Variants in CACNA1I observed in about 807,000 individuals in gnomAD.
CACNA1I encodes the protein voltage-dependent T-type calcium channel subunit alpha-1I.
In CACNA1I, 74 loss-of-function variants were observed where a neutral mutation model predicts 201.6. The observed-to-expected ratio is 0.37, with a 90% CI of 0.30 to 0.45. The LOEUF is 0.45. Ranked by LOEUF, CACNA1I falls within the 20% of genes least tolerant of loss-of-function variation. The pLI is 1.00. For synonymous variants in CACNA1I, 1,431 were observed against 1,345.2 expected (o/e 1.06, Z -1.40); for missense variants, 2,346 against 3,138.1 (o/e 0.75, Z 6.03).
Position 39,686,025 on chromosome 22 carries a change from A to G in CACNA1I, c.6292A>G (p.Thr2098Ala), listed in dbSNP as rs1935857702. The G allele has an allele frequency of 2.4e-6, 3 of 1,237,850 alleles. No individual in the cohort carries two copies. The highest frequency in any genetic ancestry group is 3.0e-6 in the Non-Finnish European group (3 of 995,020). 76.7% of individuals were successfully genotyped at this position (1,237,850 alleles called of 1,614,324 possible). A position where few individuals can be genotyped will look rare whatever the true frequency, so the allele number is the denominator to read the frequency against. Residue 2098 changes from threonine to alanine, a missense_variant, in exon 37 of 37, where the codon ACC becomes GCC. By Grantham distance (58) the Thr-to-Ala change is moderately conservative. Coordinates refer to ENST00000402142, the MANE Select transcript of CACNA1I (RefSeq NM_021096.4). Reference protein sequence around the residue: ...SSGGSTSPGCTHHDSMDPSDE... With the variant: ...SSGGSTSPGCAHHDSMDPSDE... ...CGGGGGCTCCACCAGCCCGGGCTGC[A>G]CCCACCACGACTCCATGGACCCCTC...
chr22:39,591,457 C>A (rs1021983191), intron 1 of CACNA1I, among the ~76,000 whole-genome samples: 1 of 151,538 alleles, frequency 6.6e-6, no homozygotes, highest in Non-Finnish European at 1.5e-5. Context: ...CCACGGCACC[C>A]GGCCTGGCCT....
chr22:39,600,502 C>A lies in CACNA1I; in HGVS notation c.349-18C>A. 6.2e-7 allele frequency: 1 copy of A among 1,609,438 alleles called. No individual in the cohort carries two copies. The highest frequency in any genetic ancestry group is 2.2e-5 in the East Asian group (1 of 44,646). On this transcript the variant is annotated intron_variant, in intron 2 of 36. Transcript: ENST00000402142. ...CAACCTCACCCTGTCCCTTGCTTCC[C>A]TCCTCCTGCCCCTGCAGGTCTTTGA...
In CACNA1I at chr22:39,636,869, G is replaced by A. The variant is rs996723259; in HGVS notation, c.740+2145G>A. 8.5e-5 allele frequency among the ~76,000 whole-genome samples: 13 copies of A among 152,316 alleles called. No individual in the cohort carries two copies. The East Asian group carries it at 2.5e-3, about 29-fold the overall frequency. On this transcript the variant is annotated intron_variant, in intron 5 of 36. Transcript: ENST00000402142. ...GGCCCTGTGAGATGGACAGAGCTCC[G>A]TCGTCAGGGCGGAGAAGGGCCCTTC...
intron 4 of CACNA1I, among the ~76,000 whole-genome samples, chr22:39,630,958 G>A (rs1257132538): frequency 6.6e-6 from 1 of 152,156 alleles, no homozygotes; most frequent in Non-Finnish European, 1.5e-5. Context: ...GGTGCCGCAG[G>A]TTCAGGTGTG....
At position 39,649,805 on chromosome 22, in the gene CACNA1I, T is replaced by C; in HGVS notation, c.1872T>C (p.Asp624=). 4 of 1,612,436 alleles carry C rather than the reference T, an allele frequency of 2.5e-6. No individual in the cohort carries two copies. Among genetic ancestry groups the C allele is most frequent in the East Asian group, 2.2e-5 (1 of 44,812 alleles). ...ATGGGGCGGTCTGGCTGTGCGGGGA[T>C]GTGTGGCGGGAGACGCGAGCCAAGC... is the stretch of plus-strand genomic sequence containing the variant. ...QADGAVWLCG[D]VWRETRAKLR... The change falls in exon 10 of 37, where the codon GAT becomes GAC. Residue 624 remains aspartate, a synonymous_variant. Coordinates refer to ENST00000402142, the MANE Select transcript of CACNA1I (RefSeq NM_021096.4). The surrounding 1 kb of genome is among the most constrained non-coding windows in gnomAD (Gnocchi z 7.3).
intron 1 of CACNA1I, among the ~76,000 whole-genome samples, chr22:39,593,376 G>A (rs895828916): frequency 2.0e-5 from 3 of 152,144 alleles, no homozygotes; most frequent in African/African-American, 4.8e-5. Context: ...ACTGTGGTAC[G>A]TGCTAGCCAG....
intron 3 of CACNA1I, among the ~76,000 whole-genome samples, chr22:39,605,021 GA>G (rs1933172235): frequency 1.3e-5 from 2 of 152,072 alleles, no homozygotes; most frequent in South Asian, 4.2e-4. Flanking sequence ...ACAGGATGGG[GA>G]GTCACAACCC....
intron 4 of CACNA1I, among the ~76,000 whole-genome samples, chr22:39,622,751 C>T (rs1933784857): frequency 6.8e-6 from 1 of 146,218 alleles, no homozygotes; most frequent in Non-Finnish European, 1.5e-5. Flanking sequence ...AGTCCAGGTC[C>T]TCCTTGAGTG....
At position 39,665,814 on chromosome 22, in the gene CACNA1I, G is replaced by A; in HGVS notation, c.3979-67G>A. 3 of 1,605,128 alleles carry A rather than the reference G, an allele frequency of 1.9e-6. No homozygotes were observed. The highest frequency in any genetic ancestry group is 2.6e-6 in the Non-Finnish European group (3 of 1,173,006). On this transcript the variant is annotated intron_variant, in intron 22 of 36. Coordinates refer to ENST00000402142, the MANE Select transcript of CACNA1I (RefSeq NM_021096.4). This position sits in a 1 kb window ranked among gnomAD's most constrained non-coding sequence, Gnocchi z 5.5. The stretch of plus-strand genomic sequence containing the variant: ...AGACAGTCTGAGTAAACGCGATCGA[G>A]AGGCGAGTTCCTCTCTGACTTGCAA...
At chr22:39,575,077 G>A (rs1043543135) in intron 1 of CACNA1I, among the ~76,000 whole-genome samples, 6 of 152,266 alleles carry the variant, frequency 3.9e-5, no homozygotes, top group African/African-American at 7.2e-5. Context: ...TGTCAGCACC[G>A]CTCCCTGCCT....
intron 7 of CACNA1I, among the ~76,000 whole-genome samples, chr22:39,645,312 C>G (rs2010746): frequency 0.34 from 51,073 of 152,128 alleles, 9,798 homozygotes; most frequent in East Asian, 0.89. Context: ...AAGTTCTTGG[C>G]TCATCAGGTT....
At chr22:39,598,945 T>TTC (rs1555902519) in intron 2 of CACNA1I, among the ~76,000 whole-genome samples, 3 of 123,332 alleles carry the variant, frequency 2.4e-5, no homozygotes, top group East Asian at 4.8e-4. Flanking sequence ...TCTTGGGTTT[T>TTC]TTTTTTTTTT....
rs754448196 is a variant in CACNA1I at position 39,658,986 on chromosome 22, C to T, written c.2200C>T (p.Arg734Trp). 1.9e-6 allele frequency: 3 copies of T among 1,608,654 alleles called. No individual in the cohort carries two copies. The highest frequency in any genetic ancestry group is 2.2e-5 in the South Asian group (2 of 89,950). Residue 734 changes from arginine to tryptophan, a missense_variant, in exon 12 of 37, where the codon CGG becomes TGG. This residue lies in a region of CACNA1I where 155 missense variants were observed against 300.8 expected (regional missense o/e 0.52). Coordinates refer to ENST00000402142, the MANE Select transcript of CACNA1I (RefSeq NM_021096.4). ...DGGLSVLRTFRLLRVLKLVRF... is the reference protein window; with the variant it reads ...DGGLSVLRTFWLLRVLKLVRF... ...TGGGCTGTCGGTGCTGCGGACCTTC[C>T]GGCTGCTGCGCGTGCTGAAACTGGT... is the stretch of plus-strand genomic sequence containing the variant.
chr22:39,684,542 G>C lies in CACNA1I; in HGVS notation c.6027+44G>C, dbSNP rs1196887264. The C allele has an allele frequency of 1.4e-5, 23 of 1,586,596 alleles. No homozygotes were observed. Among genetic ancestry groups the C allele is most frequent in the Non-Finnish European group, 1.5e-5 (17 of 1,163,710 alleles). ...CCCTAGAGCACTGGTCTGTGGGCAA[G>C]GGGCAGGATCTAAGCCAGGCCTGGA... On this transcript the variant is annotated intron_variant, in intron 36 of 36. Transcript: ENST00000402142. This position sits in a 1 kb window ranked among gnomAD's most constrained non-coding sequence, Gnocchi z 4.6.
At chr22:39,591,319 G>A (rs868226033) in intron 1 of CACNA1I, among the ~76,000 whole-genome samples, 20 of 151,216 alleles carry the variant, frequency 1.3e-4, no homozygotes, top group African/African-American at 4.1e-4. Context: ...CCGCCACCAC[G>A]CCCAGTTAAT....
intron 1 of CACNA1I, among the ~76,000 whole-genome samples, chr22:39,578,640 G>A (rs1393472406): frequency 2.0e-5 from 3 of 151,924 alleles, no homozygotes; most frequent in East Asian, 1.9e-4. Flanking sequence ...GCTGTCAAGT[G>A]CTGTGTACCC....
intron 2 of CACNA1I, among the ~76,000 whole-genome samples, chr22:39,598,881 C>T (rs1351936243): frequency 1.3e-5 from 2 of 149,134 alleles, no homozygotes; most frequent in African/African-American, 2.5e-5. Context: ...TGGAAACACT[C>T]GGTGCAACTC....
Position 39,686,274 on chromosome 22 carries a change from G to C in CACNA1I, c.6541G>C (p.Ala2181Pro), listed in dbSNP as rs1204281598. The C allele has an allele frequency of 3.1e-6, 4 of 1,309,662 alleles. No homozygotes were observed. Among genetic ancestry groups the C allele is most frequent in the Non-Finnish European group, 3.9e-6 (4 of 1,026,122 alleles). 81.1% of individuals were successfully genotyped at this position (1,309,662 alleles called of 1,614,324 possible). ...AHGLARSPSW[A>P]ADRSKDPPGR... ...CGGCCTGGCCCGGAGCCCCTCGTGG[G>C]CCGCGGACCGCAGCAAGGACCCCCC... The change falls in exon 37 of 37, where the codon GCC becomes CCC. Residue 2181 changes from alanine (A) to proline (P), a missense_variant. Physicochemically the swap from Ala to Pro is conservative, Grantham distance 27. This residue lies in a region of CACNA1I where 187 missense variants were observed against 151.0 expected (regional missense o/e 1.24). Coordinates refer to ENST00000402142, the MANE Select transcript of CACNA1I (RefSeq NM_021096.4).
rs1342297953 is a variant in CACNA1I, at chr22:39,660,307, A to G, written c.2605-37A>G. ...AGGGAGCTGGGAAGGGAGGAGCTGG[A>G]CTGACCTGCATTCTAACGTGACGGA... is the stretch of plus-strand genomic sequence containing the variant. On this transcript the variant is annotated intron_variant, in intron 14 of 36. Transcript: ENST00000402142. 9.8e-6 allele frequency: 15 copies of G among 1,529,766 alleles called. No homozygotes were observed. The East Asian group carries it at 3.2e-4, about 32-fold the overall frequency. 94.8% of individuals were successfully genotyped at this position (1,529,766 alleles called of 1,614,324 possible). A position where few individuals can be genotyped will look rare whatever the true frequency, so the allele number is the denominator to read the frequency against.
Sources: allele counts gnomAD v4.1 joint callset (sites outside exome capture counted in the v4.1 genomes callset), GRCh38; gene constraint gnomAD v4.1.1; regional missense constraint gnomAD v4.1.1; non-coding constraint Gnocchi (gnomAD v3.1); transcripts MANE v1.5; gene names NCBI Gene and HGNC (gene_info 2026-07-23, HGNC 2026-07-21).